Variants in STYX observed in about 807,000 individuals in gnomAD.
The protein encoded by STYX is serine/threonine/tyrosine-interacting protein.
In STYX, 20 loss-of-function variants were observed where a neutral mutation model predicts 42.7. The observed-to-expected ratio is 0.47, with a 90% CI of 0.33 to 0.68. The LOEUF (loss-of-function observed/expected upper bound fraction) is 0.68. STYX is among the 30% of genes least tolerant of loss of function. The pLI is 0.02. For missense variants in STYX, 226 were observed against 268.5 expected (o/e 0.84, Z 1.11); for synonymous variants, 78 against 81.9 (o/e 0.95, Z 0.26).
intron 1 of STYX, among the ~76,000 whole-genome samples, chr14:52,734,012 T>C (rs541736171): frequency 8.5e-5 from 13 of 152,138 alleles, no homozygotes; most frequent in Non-Finnish European, 1.5e-4. Context: ...TGGCTTGCAA[T>C]TGGTCTGATT....
chr14:52,745,398 G>A (rs190408782), intron 2 of STYX, among the ~76,000 whole-genome samples: 256 of 152,230 alleles, frequency 1.7e-3, no homozygotes, highest in Non-Finnish European at 3.1e-3. Flanking sequence ...GCCTCCCAAA[G>A]TGCTGGGATT....
rs948815183 is a variant in STYX, at chr14:52,772,657, A to C, written c.*1551A>C. Reference sequence around the variant, plus strand: ...CTATGCAAAGTAACCTATTACACCAAGTTACTTGCTTTGCTTTCCTCTCTA... The same window carrying C: ...CTATGCAAAGTAACCTATTACACCACGTTACTTGCTTTGCTTTCCTCTCTA... On this transcript the variant is annotated 3_prime_UTR_variant, in exon 11 of 11. Coordinates refer to ENST00000354586, the MANE Select transcript of STYX (RefSeq NM_145251.4). The C allele has an allele frequency of 6.6e-6, 1 of 152,604 alleles. No homozygotes were observed. Among genetic ancestry groups the C allele is most frequent in the South Asian group, 2.1e-4 (1 of 4,828 alleles). The allele number at this position is 152,604 out of a possible 1,614,324, so 9.5% of individuals were successfully genotyped here. A position where few individuals can be genotyped will look rare whatever the true frequency, so the allele number is the denominator to read the frequency against.
At chr14:52,745,652 C>CA (rs1304915077) in intron 2 of STYX, among the ~76,000 whole-genome samples, 16 of 152,196 alleles carry the variant, frequency 1.1e-4, no homozygotes, top group Non-Finnish European at 2.2e-4. Flanking sequence ...ATGAATTAAA[C>CA]GATAGCTAAC....
At chr14:52,757,982 A>T in intron 8 of STYX, 58 bp downstream of exon 8, 1 of 1,571,014 alleles carries the variant, frequency 6.4e-7, no homozygotes, top group Non-Finnish European at 8.7e-7. Context: ...ATGAAACTTA[A>T]TGGGAATAGT....
At chr14:52,744,961 C>G in intron 2 of STYX, 77 bp downstream of exon 2, 2 of 1,281,282 alleles carry the variant, frequency 1.6e-6, no homozygotes, top group South Asian at 1.3e-5. Flanking sequence ...GGATTTGAGA[C>G]CTGCTGATTT....
intron 10 of STYX, 130 bp downstream of exon 10, chr14:52,769,063 G>A (rs940290631): frequency 7.9e-6 from 5 of 631,310 alleles, no homozygotes; most frequent in African/African-American, 5.6e-5. Flanking sequence ...AATTCCAGAA[G>A]GATTCATTTT....
chr14:52,763,732 A>G (rs780097224), intron 9 of STYX, among the ~76,000 whole-genome samples: 4 of 152,038 alleles, frequency 2.6e-5, no homozygotes, highest in African/African-American at 4.8e-5. Context: ...TTGTGGTTTA[A>G]TATGTAGTTG....
chr14:52,768,873 A>G lies in STYX; in HGVS notation c.538A>G (p.Ile180Val). ...YEAIYLAKLTIQMMSPLQIER... is the reference protein window; with the variant it reads ...YEAIYLAKLTVQMMSPLQIER... ...AGCCATCTACCTAGCAAAATTAACA[A>G]TACAGATGATGTCACCACTCCAGAT... The change falls in exon 10 of 11, where the codon ATA becomes GTA. Residue 180 changes from isoleucine (I) to valine (V), a missense_variant. Physicochemically the swap from Ile to Val is conservative, Grantham distance 29 (BLOSUM62 3). Transcript: ENST00000354586. 1 of 1,603,932 alleles carries G rather than the reference A, an allele frequency of 6.2e-7. No individual in the cohort carries two copies. The highest frequency in any genetic ancestry group is 8.5e-7 in the Non-Finnish European group (1 of 1,176,128).
chr14:52,748,128 C>A (rs569319436), intron 3 of STYX, among the ~76,000 whole-genome samples: 37 of 152,068 alleles, frequency 2.4e-4, no homozygotes, highest in Non-Finnish European at 4.4e-4. Flanking sequence ...ATAATATAGC[C>A]CATATTTCTT....
intron 9 of STYX, among the ~76,000 whole-genome samples, chr14:52,764,056 G>A (rs549830819): frequency 6.6e-6 from 1 of 152,104 alleles, no homozygotes; most frequent in Admixed American, 6.5e-5. Flanking sequence ...GCAGTGGTGC[G>A]ATCTCGGCTC....
At chr14:52,738,829 C>T (rs957149160) in intron 1 of STYX, among the ~76,000 whole-genome samples, 2 of 152,190 alleles carry the variant, frequency 1.3e-5, no homozygotes, top group African/African-American at 4.8e-5. Context: ...TAAAAGTCAG[C>T]ACCACACCCA....
intron 2 of STYX, among the ~76,000 whole-genome samples, chr14:52,745,585 A>C (rs1881364918): frequency 6.6e-6 from 1 of 152,240 alleles, no homozygotes; most frequent in African/African-American, 2.4e-5. Flanking sequence ...TCCGATTTTT[A>C]ATCAACTTCC....
rs1882023405 is a variant in STYX at position 52,759,824 on chromosome 14, T to A, written c.504+70T>A. On this transcript the variant is annotated intron_variant, in intron 9 of 10. Transcript: ENST00000354586. ...ATCTTTTATACATGTAATTTAGGTG[T>A]ACAATTTACTTTGTGAATACTTAAA... 5.0e-6 allele frequency: 5 copies of A among 991,500 alleles called. No homozygotes were observed. In the South Asian group the frequency reaches 7.3e-5, roughly 14 times the overall value. The allele number at this position is 991,500 out of a possible 1,614,324, so 61.4% of individuals were successfully genotyped here. A position where few individuals can be genotyped will look rare whatever the true frequency, so the allele number is the denominator to read the frequency against.
At chr14:52,761,328 CAAAAA>C (rs55985975) in intron 9 of STYX, among the ~76,000 whole-genome samples, 1 of 106,652 alleles carries the variant, frequency 9.4e-6, no homozygotes. Context: ...AACTCCGTGT[CAAAAA>C]AAAAAAAAAA....
chr14:52,760,225 T>G (rs1480783455), intron 9 of STYX, among the ~76,000 whole-genome samples: 1 of 151,638 alleles, frequency 6.6e-6, no homozygotes, highest in African/African-American at 2.4e-5. Flanking sequence ...AAACTTTTTT[T>G]TCTTAAAGGC....
chr14:52,770,922 G>T, intron 10 of STYX, 111 bp from the exon 11 acceptor site: 1 of 726,682 alleles, frequency 1.4e-6, no homozygotes, highest in African/African-American at 1.8e-5. Flanking sequence ...TATCAGTTGT[G>T]GAATTTTCAT....
At chr14:52,741,446 G>A (rs773225405) in intron 1 of STYX, among the ~76,000 whole-genome samples, 5 of 151,916 alleles carry the variant, frequency 3.3e-5, no homozygotes, top group Non-Finnish European at 5.9e-5. Context: ...TTTCGTGTGT[G>A]TGTGTATGAG....
intron 9 of STYX, among the ~76,000 whole-genome samples, chr14:52,768,639 A>G (rs1882398749): frequency 6.6e-6 from 1 of 152,132 alleles, no homozygotes; most frequent in Non-Finnish European, 1.5e-5. Context: ...AGCACAAACT[A>G]TTAGCCGGGC....
In STYX at chr14:52,772,362, G is replaced by A. The variant is rs1038076673; in HGVS notation, c.*1256G>A. 6.6e-6 allele frequency: 1 copy of A among 152,458 alleles called. No homozygotes were observed. Among genetic ancestry groups the A allele is most frequent in the African/African-American group, 2.4e-5 (1 of 41,550 alleles). 9.4% of individuals were successfully genotyped at this position (152,458 alleles called of 1,614,324 possible). On this transcript the variant is annotated 3_prime_UTR_variant, in exon 11 of 11. Transcript: ENST00000354586. ...CATTTTAATCCATTCTTGACATTCA[G>A]TTAGTCCAGATCTGCCCCATAATTT...
Sources: allele counts gnomAD v4.1 joint callset (sites outside exome capture counted in the v4.1 genomes callset), GRCh38; gene constraint gnomAD v4.1.1; transcripts MANE v1.5; gene names NCBI Gene and HGNC (gene_info 2026-07-23, HGNC 2026-07-21).